The following PROM1 variants were observed in gnomAD, a reference collection of about 807,000 sequenced individuals.
PROM1 encodes the protein prominin-1.
PROM1 carries 105 observed loss-of-function variants against 116.9 expected under a neutral mutation model. The ratio of observed to expected loss-of-function variants is 0.90; its 90% CI spans 0.77 to 1.06. The LOEUF is 1.06. Ranked by LOEUF, PROM1 falls within the 50% of genes least tolerant of loss-of-function variation. The pLI is 0.00. For missense variants in PROM1, 1,122 were observed against 1,045.2 expected (o/e 1.07, Z -1.01); for synonymous variants, 393 against 387.0 (o/e 1.02, Z -0.18).
intron 2 of PROM1, among the ~76,000 whole-genome samples, chr4:16,073,288 G>A (rs928484983): frequency 6.6e-6 from 1 of 152,158 alleles, no homozygotes; most frequent in Non-Finnish European, 1.5e-5. Context: ...ATGTACTAAG[G>A]TATTAAACTA....
intron 2 of PROM1, among the ~76,000 whole-genome samples, chr4:16,064,440 G>A (rs975542245): frequency 3.3e-5 from 5 of 152,168 alleles, no homozygotes; most frequent in Non-Finnish European, 7.3e-5. Flanking sequence ...GTTACCCTTG[G>A]GAGGAGGCAG....
At chr4:15,971,230 G>T in intron 26 of PROM1, 148 bp from the exon 27 acceptor site, 1 of 595,062 alleles carries the variant, frequency 1.7e-6, no homozygotes, top group Non-Finnish European at 2.9e-6. Flanking sequence ...GAATGTGTCA[G>T]ACAAAACACT....
In PROM1 at chr4:16,039,606, C is replaced by T. The variant is rs186797652; in HGVS notation, c.221-605G>A. ...TACAAAAATTAGCCAGGCGTGGTGG[C>T]GCATGCCTGTAATCCCAGCTACTTG... On this transcript the variant is annotated intron_variant, in intron 2 of 27. Coordinates refer to ENST00000447510, the MANE Select transcript of PROM1 (RefSeq NM_006017.3). Among the ~76,000 whole-genome samples the T allele has an allele frequency of 6.0e-3, 915 of 151,826 alleles. 8 individuals are homozygous for T. The highest frequency in any genetic ancestry group is 0.021 in the African/African-American group (857 of 41,416).
rs1578335528 is a variant in PROM1, at chr4:16,075,872, C to T, written c.35G>A (p.Gly12Glu). Residue 12 changes from glycine (G) to glutamate (E), a missense_variant, in exon 2 of 28, where the codon GGG becomes GAG. Coordinates refer to ENST00000447510, the MANE Select transcript of PROM1 (RefSeq NM_006017.3). ...TCCTGAAAAGGAGTTCCCGCACAGC[C>T]CCAGCAGCAACAGGGAGCCGAGTAC... ...ALVLGSLLLL[G>E]LCGNSFSGGQ... 1 of 1,613,344 alleles carries T rather than the reference C, an allele frequency of 6.2e-7. No homozygotes were observed. The highest frequency in any genetic ancestry group is 8.5e-7 in the Non-Finnish European group (1 of 1,179,612).
rs143924749 is a variant in PROM1, at chr4:16,008,702, G to C, written c.1301+247C>G. ...TAAACGTGGACTGCTTTACAAATTT[G>C]CATATCATCTGTACACAGGAGTCAT... On this transcript the variant is annotated intron_variant, in intron 12 of 27. Coordinates refer to ENST00000447510, the MANE Select transcript of PROM1 (RefSeq NM_006017.3). 1.9e-4 allele frequency among the ~76,000 whole-genome samples: 29 copies of C among 152,300 alleles called. No homozygotes were observed. The East Asian group carries it at 4.6e-3, about 24-fold the overall frequency.
At chr4:16,049,308 A>C (rs930286970) in intron 2 of PROM1, among the ~76,000 whole-genome samples, 1 of 152,188 alleles carries the variant, frequency 6.6e-6, no homozygotes, top group Non-Finnish European at 1.5e-5. Context: ...GAGAATGTGA[A>C]TCAGCCAAAC....
chr4:16,033,546 C>CA, intron 4 of PROM1, 37 bp from the exon 5 acceptor site: 3 of 1,224,908 alleles, frequency 2.4e-6, no homozygotes, highest in Non-Finnish European at 3.4e-6. Flanking sequence ...CATATTGTAG[C>CA]ACAAAATAAT....
At chr4:16,061,804 C>T (rs998773928) in intron 2 of PROM1, among the ~76,000 whole-genome samples, 1 of 151,988 alleles carries the variant, frequency 6.6e-6, no homozygotes, top group Non-Finnish European at 1.5e-5. Context: ...TTAGAGATCT[C>T]TCCTAGCTTC....
At chr4:16,004,787 C>T (rs1162638747) in intron 13 of PROM1, among the ~76,000 whole-genome samples, 1 of 151,278 alleles carries the variant, frequency 6.6e-6, no homozygotes, top group Non-Finnish European at 1.5e-5. Context: ...CTTCTCTGTC[C>T]ACAGGTACTT....
intron 12 of PROM1, among the ~76,000 whole-genome samples, chr4:16,007,341 A>G (rs1176690737): frequency 6.6e-6 from 1 of 152,270 alleles, no homozygotes; most frequent in Non-Finnish European, 1.5e-5. Flanking sequence ...TGGATCCTCA[A>G]TTAGGCCTTA....
At chr4:16,033,157 G>A (rs924326481) in intron 5 of PROM1, 147 bp downstream of exon 5, 6 of 663,104 alleles carry the variant, frequency 9.0e-6, no homozygotes, top group African/African-American at 7.3e-5. Flanking sequence ...CTAGACAAGC[G>A]CTTGTGCTCT....
At chr4:16,019,513 C>A (rs748371122) in intron 8 of PROM1, among the ~76,000 whole-genome samples, 45 of 152,234 alleles carry the variant, frequency 3.0e-4, no homozygotes, top group African/African-American at 1.0e-3. Flanking sequence ...TAACCCCCAT[C>A]GTGTATTTGG....
intron 4 of PROM1, among the ~76,000 whole-genome samples, chr4:16,033,876 C>T (rs923492174): frequency 3.3e-5 from 5 of 150,994 alleles, no homozygotes; most frequent in African/African-American, 1.2e-4. Flanking sequence ...ACCTATCTGC[C>T]ATCATTAGTT....
intron 18 of PROM1, 61 bp downstream of exon 18, chr4:15,991,161 A>G (rs750055809): frequency 2.4e-5 from 34 of 1,390,004 alleles, no homozygotes; most frequent in Non-Finnish European, 3.3e-5. Context: ...TTCCCTAAGA[A>G]TGGTACTGAC....
chr4:16,079,348 G>C (rs1744572619), intron 1 of PROM1: 1 of 152,180 alleles, frequency 6.6e-6, no homozygotes, highest in Non-Finnish European at 1.5e-5. Context: ...ACAATGACTT[G>C]AGATAGACAG....
rs972960699 is a variant in PROM1 at position 15,992,532 on chromosome 4, C to T, written c.1768-141G>A. 3.9e-5 allele frequency: 33 copies of T among 844,362 alleles called. 1 individual carries two copies. Among genetic ancestry groups the T allele is most frequent in the Middle Eastern group, 3.5e-4 (1 of 2,858 alleles). The allele number at this position is 844,362 out of a possible 1,614,324, so 52.3% of individuals were successfully genotyped here. A position where few individuals can be genotyped will look rare whatever the true frequency, so the allele number is the denominator to read the frequency against. On this transcript the variant is annotated intron_variant, in intron 16 of 27. Coordinates refer to ENST00000447510, the MANE Select transcript of PROM1 (RefSeq NM_006017.3). ...CTTTGGGAGGCTGAGGTGGGAGGAT[C>T]GCTTGAGCTCAGGAGTTCAAAACCA...
chr4:15,985,975 A>G lies in PROM1; in HGVS notation c.2193T>C (p.Thr731=), dbSNP rs1480967117. The G allele has an allele frequency of 1.6e-6, 2 of 1,283,384 alleles. No homozygotes were observed. Among genetic ancestry groups the G allele is most frequent in the Non-Finnish European group, 2.0e-6 (2 of 978,776 alleles). 79.5% of individuals were successfully genotyped at this position (1,283,384 alleles called of 1,614,324 possible). A position where few individuals can be genotyped will look rare whatever the true frequency, so the allele number is the denominator to read the frequency against. Residue 731 remains threonine, a synonymous_variant, in exon 21 of 28, where the codon ACT becomes ACC. Transcript: ENST00000447510. ...DFAQNFITNN[T]SSVIIEETKK... is the part of the protein sequence containing the mutation. Reference sequence around the variant, plus strand: ...GGCTCACCTCAATAATAACAGAGGAAGTATTGTTTGTGATGAAGTTCTGAG... The same window carrying G: ...GGCTCACCTCAATAATAACAGAGGAGGTATTGTTTGTGATGAAGTTCTGAG...
chr4:16,015,356 A>AAAAC (rs1440844748), intron 10 of PROM1, among the ~76,000 whole-genome samples: 2 of 149,192 alleles, frequency 1.3e-5, no homozygotes, highest in African/African-American at 4.9e-5. Context: ...AAAAAAAAAA[A>AAAAC]AAAAAAAAAA....
At position 16,075,823 on chromosome 4, in the gene PROM1, A is replaced by T. The variant is rs780475481; in HGVS notation, c.84T>A (p.Ala28=). 8.7e-6 allele frequency: 14 copies of T among 1,613,762 alleles called. No individual in the cohort carries two copies. The highest frequency in any genetic ancestry group is 1.2e-5 in the Non-Finnish European group (14 of 1,179,844). ...GCAATTCATAATTCCAAGCCTTAGG[A>T]GCATCTGTGGATGAAGGCTGCCCTC... ...FSGGQPSSTD[A]PKAWNYELPA... Residue 28 remains alanine, a synonymous_variant, in exon 2 of 28, where the codon GCT becomes GCA. Transcript: ENST00000447510.
Sources: gnomAD v4.1 joint callset for allele counts (sites outside exome capture counted in the v4.1 genomes callset) on GRCh38, gnomAD v4.1.1 for gene constraint, MANE v1.5 for transcripts, NCBI Gene and HGNC (gene_info 2026-07-23, HGNC 2026-07-21) for gene names.